Variants in ZNF438 observed in about 807,000 individuals in gnomAD.
ZNF438 encodes zinc finger protein 438.
ZNF438 carries 25 observed loss-of-function variants against 38.0 expected under a neutral mutation model. The observed-to-expected ratio is 0.66, with a 90% CI of 0.48 to 0.92. The LOEUF (loss-of-function observed/expected upper bound fraction) is 0.92, where lower values mean the gene tolerates loss of function less well. Among genes scored for constraint, ZNF438 ranks in the 40% least tolerant of loss-of-function variants. The pLI, the probability that ZNF438 is intolerant of heterozygous loss-of-function variation, is 0.00. For missense variants in ZNF438, 1,007 were observed against 999.6 expected, an observed-to-expected ratio of 1.01 and a Z score of -0.10; for synonymous variants, 372 against 364.1, an observed-to-expected ratio of 1.02 and a Z score of -0.25.
chr10:30,942,456 C>A (rs2046915517), intron 1 of ZNF438, among the ~76,000 whole-genome samples: 1 of 152,058 alleles, frequency 6.6e-6, no homozygotes, highest in Non-Finnish European at 1.5e-5. Flanking sequence ...AGAGTAACTG[C>A]AATAAAAGTA....
At chr10:30,845,076 A>G in exon 6 of ZNF438, 5 of 1,614,130 alleles carry the variant, frequency 3.1e-6, no homozygotes, top group Non-Finnish European at 4.2e-6. Context: ...GTGGTGGAGG[A>G]GGTCCTCTTT....
intron 1 of ZNF438, among the ~76,000 whole-genome samples, chr10:30,942,340 G>A (rs1197442050): frequency 6.6e-6 from 1 of 152,184 alleles, no homozygotes; most frequent in African/African-American, 2.4e-5. Context: ...ATTCAAATTT[G>A]TATTTTAAAA....
chr10:31,022,504 A>G (rs2056667970), intron 1 of ZNF438, among the ~76,000 whole-genome samples: 1 of 152,016 alleles, frequency 6.6e-6, no homozygotes, highest in South Asian at 2.1e-4. Context: ...CAGGTGATCC[A>G]CCCACCTCGG....
intron 1 of ZNF438, among the ~76,000 whole-genome samples, chr10:31,000,385 C>T (rs11595404): frequency 6.6e-6 from 1 of 152,232 alleles, no homozygotes; most frequent in East Asian, 1.9e-4. Flanking sequence ...GAATCAAAAT[C>T]TACCTTTTAA....
intron 2 of ZNF438, among the ~76,000 whole-genome samples, chr10:30,929,882 T>C (rs754837216): frequency 5.3e-5 from 8 of 152,324 alleles, no homozygotes; most frequent in South Asian, 2.1e-4. Context: ...AGAGTGCTAA[T>C]TGGTGCATTT....
intron 2 of ZNF438, chr10:30,920,308 C>T (rs2044146146): frequency 6.6e-6 from 1 of 152,174 alleles, no homozygotes; most frequent in East Asian, 1.9e-4. Context: ...CACAGCAAGA[C>T]AAAGAGACAC....
chr10:30,937,626 A>G (rs908999135), intron 2 of ZNF438, among the ~76,000 whole-genome samples: 4 of 152,214 alleles, frequency 2.6e-5, no homozygotes, highest in African/African-American at 9.6e-5. Context: ...GAATGAGTAA[A>G]GAGATCAAAT....
chr10:30,957,262 T>C (rs1377950577), intron 1 of ZNF438, among the ~76,000 whole-genome samples: 1 of 152,354 alleles, frequency 6.6e-6, no homozygotes, highest in East Asian at 1.9e-4. Flanking sequence ...GCTATTGAGT[T>C]GTTCAGATTC....
At chr10:31,021,504 C>T (rs185591954) in intron 1 of ZNF438, among the ~76,000 whole-genome samples, 120 of 152,026 alleles carry the variant, frequency 7.9e-4, no homozygotes, top group Non-Finnish European at 1.2e-3. Context: ...TGGAATTTGC[C>T]GTTTGATATT....
chr10:30,905,092 A>G (rs2042441120), intron 3 of ZNF438, among the ~76,000 whole-genome samples: 1 of 152,184 alleles, frequency 6.6e-6, no homozygotes, highest in East Asian at 1.9e-4. Flanking sequence ...ATACTGTAAC[A>G]TTTACCCCTT....
intron 2 of ZNF438, among the ~76,000 whole-genome samples, chr10:30,913,433 TTCC>T (rs983878640): frequency 6.6e-6 from 1 of 152,056 alleles, no homozygotes; most frequent in Non-Finnish European, 1.5e-5. Context: ...ATGCTATTTC[TTCC>T]TCCTCTTCTC....
intron 2 of ZNF438, chr10:30,919,379 C>T (rs1421601160): frequency 6.6e-6 from 1 of 152,076 alleles, no homozygotes; most frequent in Non-Finnish European, 1.5e-5. Flanking sequence ...TTTTCCTCTA[C>T]TCTTCTTTGT....
Position 30,978,607 on chromosome 10 carries a change from C to T in ZNF438, c.-191-36956G>A, listed in dbSNP as rs189477307. Among the ~76,000 whole-genome samples the T allele has an allele frequency of 1.7e-3, 255 of 152,270 alleles. 1 individual carries two copies. The highest frequency in any genetic ancestry group is 6.0e-3 in the African/African-American group (250 of 41,542). On this transcript the variant is annotated intron_variant, in intron 1 of 5. Transcript: ENST00000413025. Reference sequence around the variant, plus strand: ...CCCAAAAAGTTCCCTTGTACTGCCTCCAGATCAGTCACAACCCACCCTTAG... The same window carrying T: ...CCCAAAAAGTTCCCTTGTACTGCCTTCAGATCAGTCACAACCCACCCTTAG...
In ZNF438 at chr10:30,959,807, C is replaced by A. The variant is rs577703591; in HGVS notation, c.-191-18156G>T. ...TGATTCATTCTGTCTCTCTGGAGAA[C>A]CTTACTACATATGGTAAGTTGGTTT... On this transcript the variant is annotated intron_variant, in intron 1 of 5. Transcript: ENST00000413025. Among the ~76,000 whole-genome samples the A allele has an allele frequency of 5.4e-5, 8 of 146,830 alleles. 1 individual carries two copies. Among genetic ancestry groups the A allele is most frequent in the Non-Finnish European group, 1.2e-4 (8 of 64,652 alleles).
chr10:30,889,181 T>A (rs1417310229), intron 3 of ZNF438, among the ~76,000 whole-genome samples: 2 of 152,208 alleles, frequency 1.3e-5, no homozygotes, highest in Non-Finnish European at 2.9e-5. Context: ...CTTATCTCAA[T>A]CTGTCCCATT....
intron 1 of ZNF438, among the ~76,000 whole-genome samples, chr10:31,013,313 C>T (rs749506302): frequency 7.8e-4 from 117 of 150,182 alleles, no homozygotes; most frequent in Non-Finnish European, 1.5e-3. Context: ...AGCGAGACTC[C>T]GTCTCAAAAA....
chr10:31,032,051 CATGCCTGTGGGCTTCGCCGACCGGG>C (rs2057331274), upstream of ZNF438: 1 of 152,312 alleles, frequency 6.6e-6, no homozygotes, highest in Non-Finnish European at 1.5e-5. Context: ...TCTGCGCCCG[CATGCCTGTGGGCTTCGCCGACCGGG>C]GCGCCTGCGG....
At chr10:30,849,057 G>A in exon 5 of ZNF438, 1 of 1,614,160 alleles carries the variant, frequency 6.2e-7, no homozygotes. Context: ...GGAGAAGCCA[G>A]GGAGGCCAAA....
At chr10:30,863,652 G>A (rs1377018126) in intron 4 of ZNF438, among the ~76,000 whole-genome samples, 2 of 152,208 alleles carry the variant, frequency 1.3e-5, no homozygotes, top group African/African-American at 4.8e-5. Context: ...CCCTGGAGAT[G>A]GAGTGATGAC....
Sources: gnomAD v4.1 joint callset for allele counts (sites outside exome capture counted in the v4.1 genomes callset) on GRCh38, gnomAD v4.1.1 for gene constraint, MANE v1.5 for transcripts, NCBI Gene and HGNC (gene_info 2026-07-23, HGNC 2026-07-21) for gene names.